The following SNX8 variants were observed in gnomAD, a reference collection of about 807,000 sequenced individuals.
SNX8 encodes the protein sorting nexin-8.
Under a neutral mutation model 51.6 loss-of-function variants are expected in SNX8, and 25 were observed. The ratio of observed to expected loss-of-function variants is 0.48; its 90% confidence interval spans 0.35 to 0.68. The LOEUF is 0.68. Among genes scored for constraint, SNX8 ranks in the 30% least tolerant of loss-of-function variants. The pLI is 0.00. For missense variants in SNX8, 695 were observed against 624.0 expected (o/e 1.11, Z -1.21); for synonymous variants, 324 against 277.0 (o/e 1.17, Z -1.68).
At chr7:2,351,674 A>G (rs1779142927) in intron 1 of SNX8, among the ~76,000 whole-genome samples, 2 of 151,816 alleles carry the variant, frequency 1.3e-5, no homozygotes, top group African/African-American at 4.8e-5. Context: ...TACTAAAAAT[A>G]CAAAAAATTA....
intron 1 of SNX8, among the ~76,000 whole-genome samples, chr7:2,337,628 G>A (rs1253045869): frequency 6.6e-6 from 1 of 152,088 alleles, no homozygotes; most frequent in Non-Finnish European, 1.5e-5. Context: ...AAGGGAAGCA[G>A]ACAGAGAGCA....
chr7:2,304,404 C>CATG (rs1438778297), intron 1 of SNX8, among the ~76,000 whole-genome samples: 2 of 151,476 alleles, frequency 1.3e-5, no homozygotes, highest in Admixed American at 1.3e-4. Flanking sequence ...ATTAGCCAGG[C>CATG]GTGGTGGCGG....
chr7:2,319,389 G>C (rs1796800310), upstream of SNX8, among the ~76,000 whole-genome samples: 1 of 152,130 alleles, frequency 6.6e-6, no homozygotes, highest in South Asian at 2.1e-4. Flanking sequence ...GCCAGGCATG[G>C]TGGCTCACGC....
intron 5 of SNX8, among the ~76,000 whole-genome samples, chr7:2,266,597 G>A (rs989134941): frequency 1.3e-5 from 2 of 152,046 alleles, no homozygotes; most frequent in Non-Finnish European, 2.9e-5. Flanking sequence ...CACCCGCCTC[G>A]GCCTCCCAAA....
At chr7:2,268,843 G>A (rs368218847) in intron 5 of SNX8, among the ~76,000 whole-genome samples, 12 of 37,712 alleles carry the variant, frequency 3.2e-4, no homozygotes, top group Non-Finnish European at 6.9e-4. Context: ...CGCCCCGTCC[G>A]GGAGGGAGGT....
Position 2,263,242 on chromosome 7 carries a change from C to T in SNX8, c.903G>A (p.Lys301=). The T allele has an allele frequency of 6.2e-7, 1 of 1,613,914 alleles. No individual in the cohort carries two copies. The highest frequency in any genetic ancestry group is 8.5e-7 in the Non-Finnish European group (1 of 1,180,006). The change falls in exon 7 of 11, where the codon AAG becomes AAA. Residue 301 remains lysine (K), a synonymous_variant. Transcript: ENST00000222990. ...CCGATCCACTCACCTGTTGTGCAGC[C>T]TTGTCGGCGAGCAGCGCGAATTCCA... The part of the protein sequence containing the change: ...LSVEFALLAD[K]AAQQGKQEEN...
chr7:2,347,936 C>G (rs181392405), intron 1 of SNX8, among the ~76,000 whole-genome samples: 2 of 152,238 alleles, frequency 1.3e-5, no homozygotes, highest in Non-Finnish European at 2.9e-5. Flanking sequence ...GCCACCACGC[C>G]TGGCCCACAC....
intron 4 of SNX8, among the ~76,000 whole-genome samples, chr7:2,270,341 A>AAAAT: frequency 6.7e-6 from 1 of 148,950 alleles, no homozygotes; most frequent in South Asian, 2.1e-4. Flanking sequence ...AAAAAAAAAA[A>AAAAT]GACCTGAGGC....
At chr7:2,260,254 C>T (rs532622665) in intron 7 of SNX8, among the ~76,000 whole-genome samples, 2 of 152,126 alleles carry the variant, frequency 1.3e-5, no homozygotes, top group South Asian at 2.1e-4. Context: ...CCCGCCACCA[C>T]GCCTGGCTAA....
At chr7:2,340,871 A>C (rs924455809) in intron 1 of SNX8, among the ~76,000 whole-genome samples, 19 of 150,084 alleles carry the variant, frequency 1.3e-4, no homozygotes, top group African/African-American at 4.7e-4. Context: ...AAAAAAAAAA[A>C]AAAAAAAAAA....
intron 1 of SNX8, among the ~76,000 whole-genome samples, chr7:2,338,443 CAG>C (rs376791668): frequency 4.4e-4 from 64 of 144,994 alleles, no homozygotes; most frequent in Non-Finnish European, 7.5e-4. Context: ...GCCTGGGCGA[CAG>C]AGAGAGACTG....
chr7:2,288,485 AC>A (rs1796083171), intron 1 of SNX8: 2 of 166,524 alleles, frequency 1.2e-5, no homozygotes, highest in Admixed American at 1.3e-4. Context: ...CACATTACAG[AC>A]ACACGTCATT....
rs183739478 is a variant in SNX8, at chr7:2,253,598, C to G, written c.*1458G>C. 1 of 152,806 alleles carries G rather than the reference C, an allele frequency of 6.5e-6. No individual in the cohort carries two copies. Among genetic ancestry groups the G allele is most frequent in the Non-Finnish European group, 1.5e-5 (1 of 68,494 alleles). The allele number at this position is 152,806 out of a possible 1,614,324, so 9.5% of individuals were successfully genotyped here. On this transcript the variant is annotated 3_prime_UTR_variant, in exon 11 of 11. Coordinates refer to ENST00000222990, the MANE Select transcript of SNX8 (RefSeq NM_013321.4). ...CAGAAGGAAGCAGCCCACCTCACAG[C>G]AGGAAGGCAGCAGCAGAACCCACAG...
At chr7:2,314,065 G>A (rs992715651) in intron 1 of SNX8, among the ~76,000 whole-genome samples, 1 of 152,220 alleles carries the variant, frequency 6.6e-6, no homozygotes, top group Non-Finnish European at 1.5e-5. Flanking sequence ...AACGCGGCCA[G>A]CTGTAACCTG....
At chr7:2,346,390 G>A (rs1779027239) in intron 1 of SNX8, among the ~76,000 whole-genome samples, 2 of 151,656 alleles carry the variant, frequency 1.3e-5, no homozygotes, top group Admixed American at 1.3e-4. Flanking sequence ...AGGCTGCTCT[G>A]AGCTGTGATT....
intron 1 of SNX8, among the ~76,000 whole-genome samples, chr7:2,279,676 C>G (rs772125653): frequency 8.7e-5 from 13 of 149,088 alleles, no homozygotes; most frequent in Non-Finnish European, 1.3e-4. Context: ...CACCTGAGTC[C>G]GGGAAGGCGG....
At chr7:2,261,175 G>A (rs1584668565) in intron 7 of SNX8, among the ~76,000 whole-genome samples, 1 of 152,242 alleles carries the variant, frequency 6.6e-6, no homozygotes, top group Non-Finnish European at 1.5e-5. Flanking sequence ...GCTCGTGCCT[G>A]TAATCCCAGC....
intron 1 of SNX8, among the ~76,000 whole-genome samples, chr7:2,332,866 GAGAA>G (rs1464031429): frequency 1.9e-4 from 29 of 150,324 alleles, no homozygotes; most frequent in African/African-American, 6.6e-4. Context: ...AAGAGAGAGA[GAGAA>G]AGAAAGAGAA....
At chr7:2,287,731 C>T (rs1240534147) in intron 1 of SNX8, among the ~76,000 whole-genome samples, 3 of 151,984 alleles carry the variant, frequency 2.0e-5, no homozygotes, top group Admixed American at 6.6e-5. Flanking sequence ...CCAGCCTGGG[C>T]GACAGAGTGA....
Sources: gnomAD v4.1 joint callset for allele counts (sites outside exome capture counted in the v4.1 genomes callset) on GRCh38, gnomAD v4.1.1 for gene constraint, MANE v1.5 for transcripts, NCBI Gene and HGNC (gene_info 2026-07-23, HGNC 2026-07-21) for gene names.